The following IMMP2L variants were observed in gnomAD, a reference collection of about 807,000 sequenced individuals.
IMMP2L encodes mitochondrial inner membrane protease subunit 2.
A neutral mutation model predicts 19.3 loss-of-function variants in IMMP2L; 18 were observed. The ratio of observed to expected loss-of-function variants is 0.93; its 90% CI spans 0.64 to 1.38. IMMP2L has a LOEUF of 1.38. Ranked by LOEUF, IMMP2L falls within the 40% of genes most tolerant of loss-of-function variation. The pLI, the probability that IMMP2L is intolerant of heterozygous loss-of-function variation, is 0.00. For missense variants in IMMP2L, 233 were observed against 218.2 expected, an observed-to-expected ratio of 1.07 and a Z score of -0.43; for synonymous variants, 76 against 73.0, an observed-to-expected ratio of 1.04 and a Z score of -0.21.
chr7:111,523,700 A>G (rs543820663), intron 1 of IMMP2L, among the ~76,000 whole-genome samples: 6 of 152,134 alleles, frequency 3.9e-5, no homozygotes, highest in African/African-American at 4.8e-5. Context: ...GCAATTTAAA[A>G]ACATGTTTTC....
At chr7:110,713,318 A>G (rs929323887) in intron 5 of IMMP2L, among the ~76,000 whole-genome samples, 6 of 152,150 alleles carry the variant, frequency 3.9e-5, no homozygotes, top group Non-Finnish European at 5.9e-5. Flanking sequence ...GTGGACTTAC[A>G]TTACTAGTTT....
chr7:111,278,526 A>G (rs184014886), intron 3 of IMMP2L, among the ~76,000 whole-genome samples: 3 of 152,292 alleles, frequency 2.0e-5, no homozygotes, highest in African/African-American at 7.2e-5. Flanking sequence ...TCAATGCTTC[A>G]CTAAAACATC....
chr7:110,920,656 G>C (rs898813346), intron 4 of IMMP2L, among the ~76,000 whole-genome samples: 1 of 152,068 alleles, frequency 6.6e-6, no homozygotes. Context: ...GCTTTACCAA[G>C]CTTCTATGTA....
intron 3 of IMMP2L, among the ~76,000 whole-genome samples, chr7:111,281,148 C>G (rs151082298): frequency 0.089 from 4,884 of 54,972 alleles, 320 homozygotes; most frequent in Middle Eastern, 0.2. Context: ...GACAGAAAGA[C>G]AGAAAGACAG....
intron 3 of IMMP2L, among the ~76,000 whole-genome samples, chr7:111,185,452 T>C (rs1196330227): frequency 3.9e-5 from 6 of 152,130 alleles, no homozygotes; most frequent in Non-Finnish European, 7.4e-5. Flanking sequence ...AAATTCCAGA[T>C]GTCAGGAGGC....
intron 5 of IMMP2L, among the ~76,000 whole-genome samples, chr7:110,720,362 T>C (rs1473167534): frequency 6.6e-6 from 1 of 152,144 alleles, no homozygotes; most frequent in Non-Finnish European, 1.5e-5. Context: ...ATGTAGAAAG[T>C]AATCGCTCTT....
chr7:110,829,213 C>G (rs539892293), intron 5 of IMMP2L, among the ~76,000 whole-genome samples: 39 of 152,114 alleles, frequency 2.6e-4, no homozygotes, highest in African/African-American at 9.2e-4. Flanking sequence ...GGTGCTAAAG[C>G]TAAACTCCCC....
intron 3 of IMMP2L, among the ~76,000 whole-genome samples, chr7:111,114,125 C>G (rs1229704329): frequency 1.3e-5 from 2 of 148,982 alleles, no homozygotes; most frequent in Non-Finnish European, 3.0e-5. Flanking sequence ...TACACATACA[C>G]ATAAATCTAC....
chr7:111,429,784 ATT>A (rs1836449807), intron 3 of IMMP2L, among the ~76,000 whole-genome samples: 1 of 151,854 alleles, frequency 6.6e-6, no homozygotes, highest in African/African-American at 2.4e-5. Flanking sequence ...TTTGGGGAAC[ATT>A]TTTACAAACA....
intron 5 of IMMP2L, among the ~76,000 whole-genome samples, chr7:110,684,892 C>T (rs533094288): frequency 2.6e-5 from 4 of 152,186 alleles, no homozygotes; most frequent in Non-Finnish European, 2.9e-5. Flanking sequence ...CTTCTGGCCA[C>T]GCTCAACCTA....
intron 3 of IMMP2L, among the ~76,000 whole-genome samples, chr7:111,178,345 G>GTAA (rs1807309605): frequency 6.6e-6 from 1 of 152,092 alleles, no homozygotes; most frequent in African/African-American, 2.4e-5. Context: ...TCGGCCAGTT[G>GTAA]TAATCCTTTA....
chr7:110,685,231 C>G (rs555370075), intron 5 of IMMP2L, among the ~76,000 whole-genome samples: 12 of 152,242 alleles, frequency 7.9e-5, no homozygotes, highest in African/African-American at 2.9e-4. Flanking sequence ...GCATCAGTCA[C>G]AGACCACAAA....
chr7:111,153,762 C>G (rs184141090), intron 3 of IMMP2L, among the ~76,000 whole-genome samples: 3 of 152,096 alleles, frequency 2.0e-5, no homozygotes, highest in Admixed American at 2.0e-4. Flanking sequence ...ACACAAATCT[C>G]CAAAAGTTAC....
At chr7:110,682,822 C>T (rs1792823080) in intron 5 of IMMP2L, among the ~76,000 whole-genome samples, 1 of 152,008 alleles carries the variant, frequency 6.6e-6, no homozygotes, top group Non-Finnish European at 1.5e-5. Flanking sequence ...ACACAGTGCT[C>T]ACAGAGGGAA....
At chr7:110,763,524 G>C (rs1218287967) in intron 5 of IMMP2L, among the ~76,000 whole-genome samples, 2 of 151,950 alleles carry the variant, frequency 1.3e-5, no homozygotes, top group African/African-American at 4.8e-5. Flanking sequence ...TCAAATATCT[G>C]GCTATACTAG....
chr7:111,081,249 A>T (rs1017603463), intron 3 of IMMP2L, among the ~76,000 whole-genome samples: 1 of 152,224 alleles, frequency 6.6e-6, no homozygotes, highest in African/African-American at 2.4e-5. Context: ...TACATGAAAT[A>T]TATGTTTATT....
intron 3 of IMMP2L, among the ~76,000 whole-genome samples, chr7:111,424,472 C>T (rs1051008568): frequency 4.6e-5 from 7 of 151,724 alleles, no homozygotes; most frequent in African/African-American, 1.5e-4. Context: ...CTAAGCCATG[C>T]TAATTTTTAG....
intron 5 of IMMP2L, among the ~76,000 whole-genome samples, chr7:110,664,179 C>T (rs182992881): frequency 5.4e-4 from 82 of 152,132 alleles, no homozygotes; most frequent in African/African-American, 1.8e-3. Flanking sequence ...CAGAGTTTCC[C>T]GCAGAGTCAT....
At chr7:111,109,635 T>C (rs1798958700) in intron 3 of IMMP2L, among the ~76,000 whole-genome samples, 1 of 152,168 alleles carries the variant, frequency 6.6e-6, no homozygotes, top group African/African-American at 2.4e-5. Context: ...CACCACCTCA[T>C]GAAATCTCTC....
Sources: gnomAD v4.1 joint callset for allele counts (sites outside exome capture counted in the v4.1 genomes callset) on GRCh38, gnomAD v4.1.1 for gene constraint, MANE v1.5 for transcripts, NCBI Gene and HGNC (gene_info 2026-07-23, HGNC 2026-07-21) for gene names.